Variants in YBEY observed in about 807,000 individuals in gnomAD.
YBEY encodes endoribonuclease YbeY.
In YBEY, 15 loss-of-function variants were observed where a neutral mutation model predicts 13.5. That is an observed-to-expected ratio of 1.11 (90% confidence interval 0.75 to 1.72). YBEY has a LOEUF of 1.72. Among genes scored for constraint, YBEY ranks in the 40% most tolerant of loss-of-function variants. The probability of loss-of-function intolerance (pLI) is 0.00; values close to 1 mark genes in which losing one functional copy is unlikely to be tolerated. For synonymous variants in YBEY, 101 were observed against 83.1 expected (o/e 1.21, Z -1.17); for missense variants, 244 against 208.4 (o/e 1.17, Z -1.05).
chr21:46,292,519 G>C (rs1055502222), intron 3 of YBEY, among the ~76,000 whole-genome samples: 2 of 151,776 alleles, frequency 1.3e-5, no homozygotes, highest in Admixed American at 6.6e-5. Flanking sequence ...CCCGTGGTTA[G>C]CTTGGCCTGT....
intron 3 of YBEY, among the ~76,000 whole-genome samples, chr21:46,295,561 C>T (rs1029372427): frequency 1.3e-5 from 2 of 151,914 alleles, no homozygotes; most frequent in African/African-American, 4.8e-5. Context: ...TTAATCCAGC[C>T]CTCTCTCCAG....
chr21:46,299,809 G>C (rs1377483441), downstream of YBEY, among the ~76,000 whole-genome samples: 5 of 150,146 alleles, frequency 3.3e-5, no homozygotes, highest in African/African-American at 1.2e-4. Context: ...CTAACTACCA[G>C]GTACCAGGCA....
chr21:46,296,155 C>G lies in YBEY; in HGVS notation c.340-7C>G. The G allele has an allele frequency of 6.2e-7, 1 of 1,613,746 alleles. No homozygotes were observed. The highest frequency in any genetic ancestry group is 8.5e-7 in the Non-Finnish European group (1 of 1,180,018). On this transcript the variant is annotated splice_region_variant and splice_polypyrimidine_tract_variant and intron_variant, in intron 3 of 4. Coordinates refer to ENST00000397701, the MANE Select transcript of YBEY (RefSeq NM_001314025.2). ...TCCTCTGAGCCGGTTTAAAATTATT[C>G]TGACAGGTGACGGCCACCCACGGAC...
At chr21:46,312,796 C>T in the YBEY span, among the ~76,000 whole-genome samples, 9 of 152,156 alleles carry the variant, frequency 5.9e-5, no homozygotes, top group African/African-American at 2.2e-4. Flanking sequence ...GTAGGATGGC[C>T]GCATCCCAAC....
At chr21:46,304,204 G>GT in the YBEY span, among the ~76,000 whole-genome samples, 1 of 150,962 alleles carries the variant, frequency 6.6e-6, no homozygotes, top group Non-Finnish European at 1.5e-5. Flanking sequence ...TTTTGTTTTT[G>GT]TATTTTTAGT....
the YBEY span, among the ~76,000 whole-genome samples, chr21:46,306,900 T>C: frequency 6.6e-5 from 10 of 150,616 alleles, no homozygotes; most frequent in Admixed American, 3.3e-4. Flanking sequence ...CCCTTATTTT[T>C]ATTTATTTTT....
chr21:46,287,961 G>A (rs1179376770), intron 2 of YBEY, among the ~76,000 whole-genome samples: 9 of 151,380 alleles, frequency 5.9e-5, no homozygotes, highest in African/African-American at 4.9e-5. Context: ...GCAGTGAGCT[G>A]AGATCACACC....
downstream of YBEY, among the ~76,000 whole-genome samples, chr21:46,299,961 T>G (rs1401251489): frequency 6.6e-6 from 1 of 152,008 alleles, no homozygotes; most frequent in Non-Finnish European, 1.5e-5. Context: ...CACCCTCAGG[T>G]GTGACCCCAC....
At position 46,297,609 on chromosome 21, in the gene YBEY, C is replaced by G. The variant is rs1328055351; in HGVS notation, c.479C>G (p.Thr160Ser). The change falls in exon 5 of 5, where the codon ACC becomes AGC. Residue 160 changes from threonine to serine, a missense_variant. Coordinates refer to ENST00000397701, the MANE Select transcript of YBEY (RefSeq NM_001314025.2). ...RRTGTRLQPL[T>S]RGLFGGS is the part of the protein sequence containing the mutation. ...ACGGGGACCCGGCTGCAGCCCCTGA[C>G]CCGGGGCCTCTTCGGAGGGAGCTGA... The G allele has an allele frequency of 7.3e-7, 1 of 1,364,668 alleles. No individual in the cohort carries two copies. Among genetic ancestry groups the G allele is most frequent in the Admixed American group, 3.2e-5 (1 of 31,542 alleles). The allele number at this position is 1,364,668 out of a possible 1,614,324, so 84.5% of individuals were successfully genotyped here. A position where few individuals can be genotyped will look rare whatever the true frequency, so the allele number is the denominator to read the frequency against.
chr21:46,291,084 C>T (rs2081684191), intron 2 of YBEY, among the ~76,000 whole-genome samples: 1 of 150,310 alleles, frequency 6.7e-6, no homozygotes, highest in Admixed American at 6.7e-5. Context: ...GTAATCCCAG[C>T]TACTCAGGAG....
the YBEY span, among the ~76,000 whole-genome samples, chr21:46,303,727 ATATATATATATATATATATTTTTT>A: frequency 1.1e-3 from 30 of 26,612 alleles, 2 homozygotes; most frequent in Non-Finnish European, 1.9e-3. Flanking sequence ...ATATATATAT[ATATATATATATATATATATTTTTT>A]TTTTTTTTTT....
At chr21:46,300,640 C>T (rs1253062341), downstream of YBEY, 9 of 1,233,428 alleles carry the variant, frequency 7.3e-6, no homozygotes, top group Admixed American at 3.0e-5. Flanking sequence ...CACACCTGCC[C>T]GTCCATGTCA....
At chr21:46,302,664 G>C (rs1974171), downstream of YBEY, 650,525 of 965,074 alleles carry the variant, frequency 0.67, 231,634 homozygotes, top group Non-Finnish European at 0.72. Flanking sequence ...CCAGAGAACA[G>C]GTGTGTCTGT....
chr21:46,291,288 G>A lies in YBEY; in HGVS notation c.211-46G>A, dbSNP rs374018800. ...GGATGAAACCTGTCAACCTGTGGTTGGGTTACGTTTCCTGTTCTCTAAGTC... is the reference window on the plus strand; with the variant it reads ...GGATGAAACCTGTCAACCTGTGGTTAGGTTACGTTTCCTGTTCTCTAAGTC... On this transcript the variant is annotated intron_variant, in intron 2 of 4. Coordinates refer to ENST00000397701, the MANE Select transcript of YBEY (RefSeq NM_001314025.2). 3 of 1,610,700 alleles carry A rather than the reference G, an allele frequency of 1.9e-6. No individual in the cohort carries two copies. The African/African-American group carries it at 4.0e-5, about 22-fold the overall frequency.
At chr21:46,311,476 CGT>C in the YBEY span, 1 of 1,602,256 alleles carries the variant, frequency 6.2e-7, no homozygotes, top group Non-Finnish European at 8.5e-7. Context: ...ACTTCCTGAC[CGT>C]TGAGTAGGGA....
downstream of YBEY, chr21:46,301,891 T>A: frequency 1.5e-6 from 2 of 1,334,172 alleles, no homozygotes; most frequent in Non-Finnish European, 9.6e-7. Flanking sequence ...CCACTCCGGG[T>A]GGTGGCAGGG....
At chr21:46,303,745 A>AT in the YBEY span, among the ~76,000 whole-genome samples, 48 of 23,816 alleles carry the variant, frequency 2.0e-3, 2 homozygotes, top group African/African-American at 3.3e-3. Context: ...ATATATATAT[A>AT]TTTTTTTTTT....
At chr21:46,308,460 CA>C in the YBEY span, among the ~76,000 whole-genome samples, 2 of 149,868 alleles carry the variant, frequency 1.3e-5, no homozygotes, top group Non-Finnish European at 1.5e-5. Flanking sequence ...GACTCCATCT[CA>C]AAAAAAAAGA....
downstream of YBEY, among the ~76,000 whole-genome samples, chr21:46,298,358 C>T (rs1272257684): frequency 6.6e-6 from 1 of 151,758 alleles, no homozygotes; most frequent in African/African-American, 2.4e-5. Flanking sequence ...GAAGAGCGTT[C>T]TGTTTACTGT....
Sources: gnomAD v4.1 joint callset for allele counts (sites outside exome capture counted in the v4.1 genomes callset) on GRCh38, gnomAD v4.1.1 for gene constraint, MANE v1.5 for transcripts, NCBI Gene and HGNC (gene_info 2026-07-23, HGNC 2026-07-21) for gene names.